Variants in ADGRA3 observed in about 807,000 individuals in gnomAD.
ADGRA3 encodes the protein adhesion G protein-coupled receptor A3, also known as G-protein coupled receptor 125.
A neutral mutation model predicts 119.8 loss-of-function variants in ADGRA3; 56 were observed. The observed-to-expected ratio is 0.47, with a 90% CI of 0.38 to 0.58. The LOEUF (loss-of-function observed/expected upper bound fraction) is 0.58, where lower values mean the gene tolerates loss of function less well. Ranked by LOEUF, ADGRA3 falls within the 20% of genes least tolerant of loss-of-function variation. ADGRA3 has a pLI of 0.00. For synonymous variants in ADGRA3, 607 were observed against 623.8 expected (o/e 0.97, Z 0.40); for missense variants, 1,516 against 1,649.0 (o/e 0.92, Z 1.40).
intron 14 of ADGRA3, among the ~76,000 whole-genome samples, chr4:22,406,968 T>C (rs940936834): frequency 4.6e-5 from 7 of 152,148 alleles, no homozygotes; most frequent in South Asian, 2.1e-4. Flanking sequence ...CTGGCTAGAT[T>C]GGGCAATACA....
chr4:22,406,528 G>A (rs771768123), intron 14 of ADGRA3, among the ~76,000 whole-genome samples: 2 of 151,858 alleles, frequency 1.3e-5, no homozygotes, highest in African/African-American at 2.4e-5. Flanking sequence ...ATCTTATTGT[G>A]GTTTTGATTT....
chr4:22,464,114 C>T (rs1464743326), intron 2 of ADGRA3, among the ~76,000 whole-genome samples: 4 of 152,150 alleles, frequency 2.6e-5, no homozygotes, highest in African/African-American at 7.2e-5. Flanking sequence ...CCTGCAACCA[C>T]CACCCCCAAT....
At chr4:22,471,077 C>T (rs1264381242) in intron 2 of ADGRA3, among the ~76,000 whole-genome samples, 1 of 152,108 alleles carries the variant, frequency 6.6e-6, no homozygotes, top group East Asian at 1.9e-4. Context: ...GAGAGACGCA[C>T]AGGAACAGTC....
chr4:22,430,365 T>C (rs1378816076), intron 10 of ADGRA3, among the ~76,000 whole-genome samples: 1 of 152,154 alleles, frequency 6.6e-6, no homozygotes, highest in African/African-American at 2.4e-5. Context: ...TGGAACTTCC[T>C]AGAGGCTTGT....
chr4:22,503,668 G>C (rs1325733122), intron 1 of ADGRA3, among the ~76,000 whole-genome samples: 2 of 152,044 alleles, frequency 1.3e-5, no homozygotes, highest in African/African-American at 4.8e-5. Flanking sequence ...TGACATTCTA[G>C]ATAGGACCAG....
rs755293820 is a variant in ADGRA3, at chr4:22,413,834, TA to T, written c.1810-21del. ...AGTATTCTGAAAAAATATATATACA[TA>T]AAAAAAGCTCACTACATTAGTACAT... On this transcript the variant is annotated intron_variant, in intron 12 of 18. Coordinates refer to ENST00000334304, the MANE Select transcript of ADGRA3 (RefSeq NM_145290.4). The T allele has an allele frequency of 2.6e-6, 4 of 1,522,390 alleles. No homozygotes were observed. The highest frequency in any genetic ancestry group is 1.4e-5 in the African/African-American group (1 of 70,954). 94.3% of individuals were successfully genotyped at this position (1,522,390 alleles called of 1,614,324 possible).
intron 1 of ADGRA3, among the ~76,000 whole-genome samples, chr4:22,489,722 T>C (rs770669038): frequency 1.1e-4 from 17 of 152,212 alleles, no homozygotes; most frequent in Non-Finnish European, 2.4e-4. Context: ...TCGGTTTCAA[T>C]ATCTTTCCTA....
At chr4:22,390,412 TTA>T (rs529129504) in intron 17 of ADGRA3, among the ~76,000 whole-genome samples, 888 of 87,176 alleles carry the variant, frequency 0.01, 41 homozygotes, top group African/African-American at 0.04. Context: ...AAAATACGTA[TTA>T]TATATATATA....
intron 1 of ADGRA3, among the ~76,000 whole-genome samples, chr4:22,490,203 GT>G (rs1210353942): frequency 1.3e-5 from 2 of 152,094 alleles, no homozygotes; most frequent in African/African-American, 2.4e-5. Context: ...AAATTGAAGC[GT>G]TTTTAATGCC....
At chr4:22,434,186 T>C (rs1432750626) in intron 10 of ADGRA3, among the ~76,000 whole-genome samples, 1 of 147,302 alleles carries the variant, frequency 6.8e-6, no homozygotes, top group Non-Finnish European at 1.5e-5. Context: ...ATTAGATATA[T>C]CTAAATATAT....
intron 2 of ADGRA3, among the ~76,000 whole-genome samples, chr4:22,470,245 A>G (rs1286705515): frequency 6.6e-6 from 1 of 152,020 alleles, no homozygotes; most frequent in Non-Finnish European, 1.5e-5. Flanking sequence ...AAACTAGAAA[A>G]CTAGCTTCCA....
intron 2 of ADGRA3, among the ~76,000 whole-genome samples, chr4:22,465,784 C>CT (rs1717636176): frequency 6.6e-6 from 1 of 152,102 alleles, no homozygotes; most frequent in African/African-American, 2.4e-5. Context: ...ACTAAAGGAA[C>CT]CAAGTAAATT....
At chr4:22,498,547 G>A (rs1447087768) in intron 1 of ADGRA3, among the ~76,000 whole-genome samples, 1 of 152,216 alleles carries the variant, frequency 6.6e-6, no homozygotes, top group African/African-American at 2.4e-5. Flanking sequence ...GAACCAGGAA[G>A]GCGGAGGTTG....
chr4:22,498,460 A>T (rs559242517), intron 1 of ADGRA3, among the ~76,000 whole-genome samples: 15 of 151,650 alleles, frequency 9.9e-5, no homozygotes, highest in African/African-American at 3.6e-4. Flanking sequence ...CTCTACTAAA[A>T]ATACAAAATT....
chr4:22,424,228 G>T lies in ADGRA3; in HGVS notation c.1568C>A (p.Thr523Asn). 6.2e-7 allele frequency: 1 copy of T among 1,612,718 alleles called. No homozygotes were observed. Among genetic ancestry groups the T allele is most frequent in the African/African-American group, 1.3e-5 (1 of 75,030 alleles). The change falls in exon 11 of 19, where the codon ACC (threonine) becomes AAC (asparagine). Residue 523 changes from threonine to asparagine, a missense_variant. By Grantham distance (65) the Thr-to-Asn change is moderately conservative. Around this residue, in one of 2 missense-constraint regions of ADGRA3, gnomAD observed 1,088 missense variants for 1,107.1 expected, o/e 0.98. Transcript: ENST00000334304. Reference sequence around the variant, plus strand: ...GTGAGCTCCACCGGCTAGCCGGTAGGTAGCAATGCGCTGAAGACACTGCAC... The same window carrying T: ...GTGAGCTCCACCGGCTAGCCGGTAGTTAGCAATGCGCTGAAGACACTGCAC... ...RIVQCLQRIA[T>N]YRLAGGAHVY...
At chr4:22,493,943 A>G (rs1204542784) in intron 1 of ADGRA3, among the ~76,000 whole-genome samples, 3 of 152,088 alleles carry the variant, frequency 2.0e-5, no homozygotes, top group Non-Finnish European at 4.4e-5. Flanking sequence ...GGTGGCTCAC[A>G]CCTATAATCC....
At chr4:22,416,574 A>C (rs942745025) in intron 12 of ADGRA3, among the ~76,000 whole-genome samples, 2 of 152,112 alleles carry the variant, frequency 1.3e-5, no homozygotes, top group Non-Finnish European at 2.9e-5. Flanking sequence ...CAAGCACAAA[A>C]GTCTAGGGAA....
At chr4:22,485,510 T>A (rs1209647241) in intron 1 of ADGRA3, among the ~76,000 whole-genome samples, 1 of 152,184 alleles carries the variant, frequency 6.6e-6, no homozygotes, top group Non-Finnish European at 1.5e-5. Flanking sequence ...TGTTAACTTT[T>A]CCCCAGTGGT....
At position 22,504,061 on chromosome 4, in the gene ADGRA3, AG is replaced by A. The variant is rs1431781662; in HGVS notation, c.257+11466del. 2.0e-5 allele frequency among the ~76,000 whole-genome samples: 3 copies of A among 152,286 alleles called. No individual in the cohort carries two copies. The East Asian group carries it at 5.8e-4, about 29-fold the overall frequency. On this transcript the variant is annotated intron_variant, in intron 1 of 18. Transcript: ENST00000334304. ...AAAGGGCTTAATAAAAATTCTAAAT[AG>A]AATGAAGCCTAAATTGTCCATGGTG...
Sources: gnomAD v4.1 joint callset for allele counts (sites outside exome capture counted in the v4.1 genomes callset) on GRCh38, gnomAD v4.1.1 for gene constraint, gnomAD v4.1.1 regional missense constraint, MANE v1.5 for transcripts, NCBI Gene and HGNC (gene_info 2026-07-23, HGNC 2026-07-21) for gene names.